Variants in CAND1 observed in about 807,000 individuals in gnomAD.
The protein encoded by CAND1 is cullin-associated NEDD8-dissociated protein 1.
CAND1 carries 7 observed loss-of-function variants against 108.5 expected under a neutral mutation model. That is an observed-to-expected ratio of 0.06 (90% confidence interval 0.04 to 0.12). CAND1 has a LOEUF of 0.12. Ranked by LOEUF, CAND1 falls within the 10% of genes least tolerant of loss-of-function variation. The probability of loss-of-function intolerance (pLI) is 1.00; values close to 1 mark genes in which losing one functional copy is unlikely to be tolerated. For synonymous variants in CAND1, 534 were observed against 512.0 expected, an observed-to-expected ratio of 1.04 and a Z score of -0.58; for missense variants, 941 against 1,448.7, an observed-to-expected ratio of 0.65 and a Z score of 5.69.
rs2045029446 is a variant in CAND1 at position 67,318,408 on chromosome 12, A to G, written c.*5578A>G. 6.6e-6 allele frequency: 1 copy of G among 152,270 alleles called. No individual in the cohort carries two copies. The allele number at this position is 152,270 out of a possible 1,614,324, so 9.4% of individuals were successfully genotyped here. A position where few individuals can be genotyped will look rare whatever the true frequency, so the allele number is the denominator to read the frequency against. On this transcript the variant is annotated 3_prime_UTR_variant, in exon 15 of 15. Transcript: ENST00000545606. ...TTCCCTATCTATAAAATGGGAATTA[A>G]AATATTTGCACCTTATAGGGTTATT...
intron 1 of CAND1, among the ~76,000 whole-genome samples, chr12:67,281,702 G>A (rs1039868352): frequency 2.0e-5 from 3 of 152,036 alleles, no homozygotes; most frequent in African/African-American, 7.2e-5. Context: ...CGTCTCTCTG[G>A]ATACAATGAA....
At chr12:67,296,475 C>T (rs925666251) in intron 4 of CAND1, among the ~76,000 whole-genome samples, 2 of 151,934 alleles carry the variant, frequency 1.3e-5, no homozygotes, top group African/African-American at 4.8e-5. Flanking sequence ...CACTCTGTCA[C>T]CCAGGCTGGA....
chr12:67,304,715 C>T lies in CAND1; in HGVS notation c.1404C>T (p.Ala468=). 1 of 1,613,758 alleles carries T rather than the reference C, an allele frequency of 6.2e-7. No individual in the cohort carries two copies. Residue 468 remains alanine, a synonymous_variant, in exon 9 of 15, where the codon GCC becomes GCT. Coordinates refer to ENST00000545606, the MANE Select transcript of CAND1 (RefSeq NM_018448.5). ...AGCTGGTAAATGTATTACCTGGGGC[C>T]CTAACTCAACACATTCCTGTACTTG... The part of the protein sequence containing the change: ...LTELVNVLPG[A]LTQHIPVLVP...
chr12:67,284,711 C>CACACAT (rs2044652092), intron 2 of CAND1, among the ~76,000 whole-genome samples: 4 of 95,040 alleles, frequency 4.2e-5, no homozygotes, highest in Non-Finnish European at 1.0e-4. Context: ...CATGTACACA[C>CACACAT]ACACACACAC....
chr12:67,302,717 C>A, intron 8 of CAND1, 102 bp downstream of exon 8: 1 of 1,000,600 alleles, frequency 1.0e-6, no homozygotes, highest in Non-Finnish European at 1.5e-6. Flanking sequence ...TATAGAGAAG[C>A]AGAAAGTTCT....
chr12:67,304,973 T>C, intron 9 of CAND1, 131 bp from the exon 10 acceptor site: 7 of 890,396 alleles, frequency 7.9e-6, no homozygotes, highest in Non-Finnish European at 1.2e-5. Context: ...TTATTGTAGA[T>C]GGTGAAAATT....
rs1366982738 is a variant in CAND1, at chr12:67,298,990, A to T, written c.895A>T (p.Asn299Tyr). 1.3e-6 allele frequency: 2 copies of T among 1,534,334 alleles called. No individual in the cohort carries two copies. The highest frequency in any genetic ancestry group is 4.5e-5 in the East Asian group (2 of 44,306). ...ATATCCTCATGTTTCTACCATTATA[A>T]ATATTTGTCTTAAATATCTTACCTA... The part of the protein sequence containing the change: ...EVYPHVSTII[N>Y]ICLKYLTYDP... Residue 299 changes from asparagine to tyrosine, a missense_variant, in exon 7 of 15, where the codon AAT (asparagine) becomes TAT (tyrosine). By Grantham distance (143) the Asn-to-Tyr change is moderately radical. This residue lies in a region of CAND1 where 697 missense variants were observed against 942.0 expected (regional missense o/e 0.74). Coordinates refer to ENST00000545606, the MANE Select transcript of CAND1 (RefSeq NM_018448.5).
rs1258390670 is a variant in CAND1 at position 67,271,850 on chromosome 12, A to G, written c.68+2065A>G. The stretch of plus-strand genomic sequence containing the variant: ...CAACTGTCTTCTAAAAAACATTTTT[A>G]TAATGCGCTGTAGCCATCTAGTTAA... On this transcript the variant is annotated intron_variant, in intron 1 of 14. Coordinates refer to ENST00000545606, the MANE Select transcript of CAND1 (RefSeq NM_018448.5). 2.6e-5 allele frequency among the ~76,000 whole-genome samples: 4 copies of G among 152,380 alleles called. No individual in the cohort carries two copies. The East Asian group carries it at 7.7e-4, about 29-fold the overall frequency.
Position 67,313,471 on chromosome 12 carries a change from A to C in CAND1, c.*641A>C, listed in dbSNP as rs2044975514. On this transcript the variant is annotated 3_prime_UTR_variant, in exon 15 of 15. Transcript: ENST00000545606. ...GTATCGTCTGTAAAGCAGCATGTGCAGATTATTCATAATATAGAAGTTAAA... is the reference window on the plus strand; with the variant it reads ...GTATCGTCTGTAAAGCAGCATGTGCCGATTATTCATAATATAGAAGTTAAA... The C allele has an allele frequency of 6.6e-6, 1 of 152,626 alleles. No individual in the cohort carries two copies. The highest frequency in any genetic ancestry group is 6.5e-5 in the Admixed American group (1 of 15,282). The allele number at this position is 152,626 out of a possible 1,614,324, so 9.5% of individuals were successfully genotyped here.
At chr12:67,270,062 C>T (rs906907166) in intron 1 of CAND1, 2 of 432,726 alleles carry the variant, frequency 4.6e-6, no homozygotes, top group Non-Finnish European at 8.1e-6. Context: ...TTCCCTGCCC[C>T]ACCAGGAGGC....
Position 67,299,195 on chromosome 12 carries a change from T to C in CAND1, c.1000+100T>C, listed in dbSNP as rs1009323270. On this transcript the variant is annotated intron_variant, in intron 7 of 14. Transcript: ENST00000545606. ...TTGTACTGTTTGTTTTATTTAGTTATAATAGTGAAAAGGGAAATGATCTCA... is the reference window on the plus strand; with the variant it reads ...TTGTACTGTTTGTTTTATTTAGTTACAATAGTGAAAAGGGAAATGATCTCA... 75 of 1,161,736 alleles carry C rather than the reference T, an allele frequency of 6.5e-5. 1 individual carries two copies. The East Asian group carries it at 2.0e-3, about 30-fold the overall frequency. 72.0% of individuals were successfully genotyped at this position (1,161,736 alleles called of 1,614,324 possible).
Position 67,313,477 on chromosome 12 carries a change from T to C in CAND1, c.*647T>C, listed in dbSNP as rs2044975639. On this transcript the variant is annotated 3_prime_UTR_variant, in exon 15 of 15. Transcript: ENST00000545606. ...TCTGTAAAGCAGCATGTGCAGATTATTCATAATATAGAAGTTAAAATAAGT... is the reference window on the plus strand; with the variant it reads ...TCTGTAAAGCAGCATGTGCAGATTACTCATAATATAGAAGTTAAAATAAGT... 2 of 152,612 alleles carry C rather than the reference T, an allele frequency of 1.3e-5. No homozygotes were observed. The highest frequency in any genetic ancestry group is 4.1e-4 in the South Asian group (2 of 4,832). The allele number at this position is 152,612 out of a possible 1,614,324, so 9.5% of individuals were successfully genotyped here.
At chr12:67,288,627 G>A (rs1041959118) in intron 2 of CAND1, among the ~76,000 whole-genome samples, 2 of 152,188 alleles carry the variant, frequency 1.3e-5, no homozygotes, top group Non-Finnish European at 2.9e-5. Flanking sequence ...TGTGATAGGT[G>A]TAAAGACTAT....
intron 3 of CAND1, 82 bp downstream of exon 3, chr12:67,292,858 GA>G: frequency 7.5e-7 from 1 of 1,324,562 alleles, no homozygotes; most frequent in Non-Finnish European, 1.1e-6. Flanking sequence ...TCTGGCCAAG[GA>G]GGGAGGGAGG....
At position 67,297,569 on chromosome 12, in the gene CAND1, G is replaced by C. The variant is rs762221416; in HGVS notation, c.654G>C (p.Leu218=). The change falls in exon 5 of 15, where the codon CTG becomes CTC. Residue 218 remains leucine, a synonymous_variant. Transcript: ENST00000545606. ...NIVFVDLIEH[L]LSELSKNDSM... Reference sequence around the variant, plus strand: ...TTTTTGTAGATCTTATTGAACATCTGTTGTCAGAGTTGTCCAAAAATGATT... The same window carrying C: ...TTTTTGTAGATCTTATTGAACATCTCTTGTCAGAGTTGTCCAAAAATGATT... 6.2e-7 allele frequency: 1 copy of C among 1,614,004 alleles called. No individual in the cohort carries two copies. The highest frequency in any genetic ancestry group is 8.5e-7 in the Non-Finnish European group (1 of 1,179,962).
At chr12:67,278,027 C>T (rs549782107) in intron 1 of CAND1, among the ~76,000 whole-genome samples, 3 of 152,124 alleles carry the variant, frequency 2.0e-5, no homozygotes, top group African/African-American at 7.2e-5. Context: ...CAGTAGCTTC[C>T]CACTCTCTTA....
At chr12:67,279,362 A>T (rs2044599249) in intron 1 of CAND1, among the ~76,000 whole-genome samples, 1 of 152,164 alleles carries the variant, frequency 6.6e-6, no homozygotes, top group Admixed American at 6.5e-5. Context: ...GTAAATGCTG[A>T]AGAGACATGG....
intron 2 of CAND1, among the ~76,000 whole-genome samples, chr12:67,290,213 A>G (rs898513661): frequency 1.3e-5 from 2 of 152,138 alleles, no homozygotes; most frequent in Admixed American, 6.5e-5. Flanking sequence ...TCACTATCTC[A>G]TGAAAGCTCA....
At chr12:67,294,754 G>A (rs1194838438) in intron 3 of CAND1, among the ~76,000 whole-genome samples, 1 of 152,108 alleles carries the variant, frequency 6.6e-6, no homozygotes, top group Non-Finnish European at 1.5e-5. Flanking sequence ...TTATTTTATT[G>A]AAAAGCAGCC....
Sources: allele counts gnomAD v4.1 joint callset (sites outside exome capture counted in the v4.1 genomes callset), GRCh38; gene constraint gnomAD v4.1.1; regional missense constraint gnomAD v4.1.1; transcripts MANE v1.5; gene names NCBI Gene and HGNC (gene_info 2026-07-23, HGNC 2026-07-21).